Variants in TENM1 observed in about 807,000 individuals in gnomAD.
The protein encoded by TENM1 is teneurin transmembrane protein 1.
TENM1 carries 35 observed loss-of-function variants against 174.8 expected under a neutral mutation model. The observed-to-expected ratio is 0.20, with a 90% confidence interval of 0.15 to 0.27. The LOEUF (loss-of-function observed/expected upper bound fraction) is 0.27. Among genes scored for constraint, TENM1 ranks in the 10% least tolerant of loss-of-function variants. The pLI, the probability that TENM1 is intolerant of heterozygous loss-of-function variation, is 1.00. For synonymous variants in TENM1, 781 were observed against 798.7 expected (o/e 0.98, Z 0.37); for missense variants, 1,633 against 2,130.1 (o/e 0.77, Z 4.59).
chrX:125,155,920 C>A, the TENM1 span, among the ~76,000 whole-genome samples: 3 of 112,765 alleles, frequency 2.7e-5, no homozygotes, highest in East Asian at 5.7e-4. Context: ...AGTGCAGCGG[C>A]GGGCTGAAGG....
intron 3 of TENM1, among the ~76,000 whole-genome samples, chrX:124,877,712 G>A (rs1452946162): frequency 1.8e-5 from 2 of 111,172 alleles, no homozygotes; most frequent in Non-Finnish European, 3.8e-5. Context: ...TACAGCTGAC[G>A]CTTGAGCAGT....
chrX:125,126,084 T>A, the TENM1 span, among the ~76,000 whole-genome samples: 1 of 112,274 alleles, frequency 8.9e-6, no homozygotes, highest in Admixed American at 9.5e-5. Context: ...AAATAATTAT[T>A]CATAGCAAAC....
At chrX:124,617,670 C>T (rs1359693059) in intron 11 of TENM1, among the ~76,000 whole-genome samples, 2 of 111,981 alleles carry the variant, frequency 1.8e-5, no homozygotes, top group Non-Finnish European at 3.8e-5. Context: ...CATCCTGCTG[C>T]CCTATGATTT....
At chrX:124,509,400 T>TA (rs1016304247) in intron 18 of TENM1, among the ~76,000 whole-genome samples, 3 of 110,892 alleles carry the variant, frequency 2.7e-5, no homozygotes, top group Non-Finnish European at 5.7e-5. Flanking sequence ...CCCTACCCAG[T>TA]AAAAAATTGT....
At chrX:125,122,454 C>G in the TENM1 span, among the ~76,000 whole-genome samples, 2 of 111,685 alleles carry the variant, frequency 1.8e-5, no homozygotes, top group Non-Finnish European at 3.8e-5. Flanking sequence ...TCAAGGGAAT[C>G]TGATAAGCAA....
chrX:124,961,410 G>C (rs112807721), intron 1 of TENM1, among the ~76,000 whole-genome samples: 1 of 111,498 alleles, frequency 9.0e-6, no homozygotes, highest in Non-Finnish European at 1.9e-5. Context: ...GGGAGGCCGA[G>C]GCGGGCAGAT....
the TENM1 span, among the ~76,000 whole-genome samples, chrX:125,113,746 C>T: frequency 9.0e-6 from 1 of 111,096 alleles, no homozygotes; most frequent in Admixed American, 9.6e-5. Context: ...TACAGAAGCA[C>T]CCAGACTCAT....
At chrX:125,202,651 G>A in the TENM1 span, among the ~76,000 whole-genome samples, 2 of 65,754 alleles carry the variant, frequency 3.0e-5, no homozygotes, top group Non-Finnish European at 3.0e-5. Flanking sequence ...ACCAGCCCCC[G>A]CCCCCGCCCC....
chrX:125,146,610 G>A, the TENM1 span, among the ~76,000 whole-genome samples: 1 of 111,340 alleles, frequency 9.0e-6, no homozygotes, highest in Non-Finnish European at 1.9e-5. Context: ...GGTACATAAA[G>A]TGAAGGGTAG....
intron 3 of TENM1, among the ~76,000 whole-genome samples, chrX:124,839,028 A>T: frequency 9.0e-6 from 1 of 110,734 alleles, no homozygotes; most frequent in Non-Finnish European, 1.9e-5. Flanking sequence ...TTGTGTGGTT[A>T]AAAAAAAGAT....
intron 1 of TENM1, among the ~76,000 whole-genome samples, chrX:124,911,536 C>A (rs986821880): frequency 8.0e-5 from 9 of 111,872 alleles, no homozygotes; most frequent in African/African-American, 2.9e-4. Flanking sequence ...CTTTGAGTTT[C>A]ATCTTAAAGG....
chrX:125,196,812 A>G, the TENM1 span, among the ~76,000 whole-genome samples: 4 of 111,837 alleles, frequency 3.6e-5, no homozygotes, highest in Admixed American at 9.5e-5. Context: ...TGAATTAATC[A>G]TCTCTTAGGA....
At chrX:124,899,979 GA>G (rs1189762421) in intron 1 of TENM1, among the ~76,000 whole-genome samples, 4 of 112,256 alleles carry the variant, frequency 3.6e-5, no homozygotes, top group African/African-American at 1.3e-4. Context: ...AACCACATAA[GA>G]AAAAAGTGTG....
the TENM1 span, among the ~76,000 whole-genome samples, chrX:125,064,565 G>C: frequency 5.6e-4 from 60 of 108,018 alleles, 1 homozygote; most frequent in Non-Finnish European, 1.2e-4. Context: ...ACCCGCAGTG[G>C]CAGACTATCC....
chrX:125,017,858 G>A, the TENM1 span, among the ~76,000 whole-genome samples: 117 of 110,865 alleles, frequency 1.1e-3, 1 homozygote, highest in South Asian at 5.1e-3. Flanking sequence ...ATCACACACC[G>A]GAGCCTATCA....
the TENM1 span, among the ~76,000 whole-genome samples, chrX:125,032,499 C>T: frequency 1.1e-4 from 12 of 110,821 alleles, no homozygotes; most frequent in African/African-American, 3.0e-4. Context: ...TAGCCAAATT[C>T]GTCTTAAGAC....
At chrX:124,674,558 T>C (rs750203162) in intron 5 of TENM1, among the ~76,000 whole-genome samples, 1 of 111,465 alleles carries the variant, frequency 9.0e-6, no homozygotes, top group East Asian at 2.8e-4. Flanking sequence ...AACTGGTTTC[T>C]ACCCTTTTCT....
At chrX:125,017,368 G>C in the TENM1 span, among the ~76,000 whole-genome samples, 3 of 111,466 alleles carry the variant, frequency 2.7e-5, no homozygotes, top group African/African-American at 9.8e-5. Context: ...AAATTTACAA[G>C]ATAACAGATG....
chrX:124,957,955 A>G lies in TENM1; in HGVS notation c.217+5582T>C, dbSNP rs1040827889. ...ACTAAAATTATTACCCTTGGTATAT[A>G]TATCTCCATGCATTTATATTTTCAT... On this transcript the variant is annotated intron_variant, in intron 1 of 31. Coordinates refer to ENST00000422452, the Ensembl canonical transcript of TENM1. Among the ~76,000 whole-genome samples, 5 of 111,886 alleles carry G rather than the reference A, an allele frequency of 4.5e-5. No individual in the cohort carries two copies. In the Admixed American group the frequency reaches 4.8e-4, roughly 11 times the overall value.
Sources: gnomAD v4.1 joint callset for allele counts (sites outside exome capture counted in the v4.1 genomes callset) on GRCh38, gnomAD v4.1.1 for gene constraint, MANE v1.5 for transcripts, NCBI Gene and HGNC (gene_info 2026-07-23, HGNC 2026-07-21) for gene names.